Variants in ADGRF3 observed in about 807,000 individuals in gnomAD.
The protein encoded by ADGRF3 is adhesion G protein-coupled receptor F3, also known as G protein-coupled receptor 113.
ADGRF3 carries 85 observed loss-of-function variants against 93.2 expected under a neutral mutation model. The ratio of observed to expected loss-of-function variants is 0.91; its 90% CI spans 0.77 to 1.09. The LOEUF is 1.09. ADGRF3 is among the 50% of genes least tolerant of loss of function. ADGRF3 has a pLI of 0.00. For synonymous variants in ADGRF3, 534 were observed against 532.5 expected, an observed-to-expected ratio of 1.00 and a Z score of -0.04; for missense variants, 1,125 against 1,246.2, an observed-to-expected ratio of 0.90 and a Z score of 1.46.
chr2:26,337,428 A>G (rs1676117295), intron 1 of ADGRF3, among the ~76,000 whole-genome samples: 1 of 152,202 alleles, frequency 6.6e-6, no homozygotes, highest in Non-Finnish European at 1.5e-5. Context: ...AACAGTGTGA[A>G]ATGATTACCA....
At position 26,311,061 on chromosome 2, in the gene ADGRF3, C is replaced by T; in HGVS notation, c.2463G>A (p.Leu821=). 1 of 1,608,582 alleles carries T rather than the reference C, an allele frequency of 6.2e-7. No homozygotes were observed. The highest frequency in any genetic ancestry group is 8.5e-7 in the Non-Finnish European group (1 of 1,177,618). Residue 821 remains leucine (L), a synonymous_variant, in exon 10 of 14, where the codon CTG becomes CTA. Coordinates refer to ENST00000651242, the MANE Select transcript of ADGRF3 (RefSeq NM_001321971.2). ...KHRVLPLMVL[L]GYLCPLGLAG... ...CCAACCCCAGTGGGCACAGGTAGCC[C>T]AGGAGCACCATGAGGGGGAGAACTC...
At chr2:26,336,101 G>A (rs1169074187) in intron 1 of ADGRF3, among the ~76,000 whole-genome samples, 1 of 152,158 alleles carries the variant, frequency 6.6e-6, no homozygotes, top group Non-Finnish European at 1.5e-5. Flanking sequence ...AAACATAAAG[G>A]TATGCACAGG....
chr2:26,336,312 A>AAG (rs1676029046), intron 1 of ADGRF3, among the ~76,000 whole-genome samples: 1 of 50,750 alleles, frequency 2.0e-5, no homozygotes. Context: ...TGGGGAGATC[A>AAG]AGAGTGTGTG....
intron 1 of ADGRF3, among the ~76,000 whole-genome samples, chr2:26,337,202 G>C (rs1298001594): frequency 6.6e-6 from 1 of 152,204 alleles, no homozygotes; most frequent in African/African-American, 2.4e-5. Flanking sequence ...CATCCATTAA[G>C]TAGTGGAATC....
chr2:26,310,640 G>A, intron 10 of ADGRF3, 52 bp downstream of exon 10: 1 of 1,537,982 alleles, frequency 6.5e-7, no homozygotes. Flanking sequence ...GATCGGCAGT[G>A]ACTTAGACCA....
In ADGRF3 at chr2:26,308,976, G is replaced by C; in HGVS notation, c.*110C>G. On this transcript the variant is annotated 3_prime_UTR_variant, in exon 14 of 14. Transcript: ENST00000651242. ...GAAATATAAGCCTGCCTTTCTCAAG[G>C]GCTGAGCTCCGGGAGGCGGGAAGAG... is the stretch of plus-strand genomic sequence containing the variant. The C allele has an allele frequency of 6.9e-7, 1 of 1,455,804 alleles. No homozygotes were observed. The highest frequency in any genetic ancestry group is 9.6e-7 in the Non-Finnish European group (1 of 1,039,422). 90.2% of individuals were successfully genotyped at this position (1,455,804 alleles called of 1,614,324 possible).
chr2:26,309,390 A>G (rs1048630525), intron 13 of ADGRF3, 136 bp downstream of exon 13: 33 of 1,507,038 alleles, frequency 2.2e-5, no homozygotes, highest in Non-Finnish European at 2.8e-5. Flanking sequence ...CCCTAGAAAA[A>G]CCTGTTTCCT....
intron 13 of ADGRF3, 27 bp downstream of exon 13, chr2:26,309,499 C>G: frequency 6.2e-7 from 1 of 1,607,122 alleles, no homozygotes; most frequent in Non-Finnish European, 8.5e-7. Flanking sequence ...CCTGCTTACG[C>G]TGCCCCTGAG....
In ADGRF3 at chr2:26,311,975, G is replaced by A; in HGVS notation, c.1549C>T (p.Leu517=). 6.2e-7 allele frequency: 1 copy of A among 1,613,638 alleles called. No homozygotes were observed. The highest frequency in any genetic ancestry group is 8.5e-7 in the Non-Finnish European group (1 of 1,179,880). ...CTGCATGCCAGGGTCTCCACAGCCA[G>A]CAGGAGAGTCGAGCCTGCCCAGGGC... ...RKPWAGSTLL[L]AVETLACSLC... is the part of the protein sequence containing the mutation. The change falls in exon 10 of 14, where the codon CTG becomes TTG. Residue 517 remains leucine (L), a synonymous_variant. Coordinates refer to ENST00000651242, the MANE Select transcript of ADGRF3 (RefSeq NM_001321971.2).
Position 26,312,943 on chromosome 2 carries a change from CT to C in ADGRF3, c.1448del (p.Lys483ArgfsTer4). Reference protein sequence around the residue: ...ARIQLDRRALKNLLIATDKVL... With the variant: ...ARIQLDRRALXNLLIATDKVL... ...CCCCACTGTGGCTCAGAGATCTCAC[CT>C]TCAGGGCTCTGCGGTCAAGCTGTAT... is the stretch of plus-strand genomic sequence containing the variant. On this transcript the variant is annotated frameshift_variant and splice_region_variant, in exon 9 of 14. Coordinates refer to ENST00000651242, the MANE Select transcript of ADGRF3 (RefSeq NM_001321971.2). LOFTEE classifies it high-confidence loss of function. 3 of 1,607,576 alleles carry C rather than the reference CT, an allele frequency of 1.9e-6. No homozygotes were observed. The South Asian group carries it at 3.3e-5, about 18-fold the overall frequency.
chr2:26,310,279 G>A (rs754078520), intron 10 of ADGRF3, 42 bp from the exon 11 acceptor site: 1 of 1,605,452 alleles, frequency 6.2e-7, no homozygotes, highest in Admixed American at 1.7e-5. Context: ...AAGGAGGAAG[G>A]GATCCACCCG....
At chr2:26,339,339 T>A (rs1430530128) in intron 1 of ADGRF3, among the ~76,000 whole-genome samples, 3 of 151,702 alleles carry the variant, frequency 2.0e-5, no homozygotes, top group African/African-American at 7.3e-5. Context: ...CTACTAAAAA[T>A]ACCAAAAAAT....
chr2:26,327,394 T>C (rs1010915783), intron 1 of ADGRF3, among the ~76,000 whole-genome samples: 1 of 152,228 alleles, frequency 6.6e-6, no homozygotes, highest in Non-Finnish European at 1.5e-5. Context: ...AGAACCTGAC[T>C]TCCTTTCATT....
At chr2:26,323,276 A>T (rs1675257626) in intron 1 of ADGRF3, among the ~76,000 whole-genome samples, 1 of 152,182 alleles carries the variant, frequency 6.6e-6, no homozygotes, top group Non-Finnish European at 1.5e-5. Context: ...ATGGGGACTT[A>T]TTGCTGCCAC....
chr2:26,344,073 T>G (rs1267238885), intron 1 of ADGRF3, among the ~76,000 whole-genome samples: 1 of 152,252 alleles, frequency 6.6e-6, no homozygotes, highest in East Asian at 1.9e-4. Flanking sequence ...GTTTATAAAC[T>G]ATTATTAGCT....
intron 1 of ADGRF3, among the ~76,000 whole-genome samples, chr2:26,322,890 C>A (rs927389468): frequency 6.6e-6 from 1 of 151,544 alleles, no homozygotes; most frequent in Non-Finnish European, 1.5e-5. Flanking sequence ...AATCCCAGCA[C>A]TTTGGGAGGC....
At chr2:26,339,513 A>T (rs1033611184) in intron 1 of ADGRF3, among the ~76,000 whole-genome samples, 1 of 152,056 alleles carries the variant, frequency 6.6e-6, no homozygotes, top group African/African-American at 2.4e-5. Context: ...CAAACCAACA[A>T]AACAAAACAA....
intron 1 of ADGRF3, among the ~76,000 whole-genome samples, chr2:26,343,023 G>T (rs1676476197): frequency 6.6e-6 from 1 of 152,204 alleles, no homozygotes; most frequent in African/African-American, 2.4e-5. Flanking sequence ...CAAGTATTCA[G>T]TAGTGTACAT....
chr2:26,315,223 T>C (rs1231395832), intron 5 of ADGRF3, among the ~76,000 whole-genome samples: 5 of 152,184 alleles, frequency 3.3e-5, no homozygotes, highest in Admixed American at 2.6e-4. Flanking sequence ...AGGACAATAG[T>C]TGTGACTTTG....
Sources: allele counts gnomAD v4.1 joint callset (sites outside exome capture counted in the v4.1 genomes callset), GRCh38; gene constraint gnomAD v4.1.1; transcripts MANE v1.5; gene names NCBI Gene and HGNC (gene_info 2026-07-23, HGNC 2026-07-21).